Variants in DSCAML1 observed in about 807,000 individuals in gnomAD.
DSCAML1 encodes DS cell adhesion molecule like 1, also known as cell adhesion molecule DSCAML1.
In DSCAML1, 38 loss-of-function variants were observed where a neutral mutation model predicts 200.5. The observed-to-expected ratio is 0.19, with a 90% CI of 0.15 to 0.25. DSCAML1 has a LOEUF of 0.25. DSCAML1 is among the 10% of genes least tolerant of loss of function. DSCAML1 has a pLI of 1.00. For missense variants in DSCAML1, 2,223 were observed against 2,858.8 expected, an observed-to-expected ratio of 0.78 and a Z score of 5.07; for synonymous variants, 1,215 against 1,165.0, an observed-to-expected ratio of 1.04 and a Z score of -0.87.
intron 3 of DSCAML1, among the ~76,000 whole-genome samples, chr11:117,766,860 G>C (rs1218978678): frequency 6.6e-6 from 1 of 152,174 alleles, no homozygotes; most frequent in East Asian, 1.9e-4. Flanking sequence ...TGCAAGTGCA[G>C]AGCAGCCCGC....
chr11:117,586,042 A>T (rs1193054965), intron 3 of DSCAML1, among the ~76,000 whole-genome samples: 1 of 152,104 alleles, frequency 6.6e-6, no homozygotes, highest in Non-Finnish European at 1.5e-5. Context: ...AGGGCCCTTG[A>T]TGGGATCTGC....
chr11:117,795,737 A>G (rs1423310454), intron 1 of DSCAML1, among the ~76,000 whole-genome samples: 1 of 152,036 alleles, frequency 6.6e-6, no homozygotes, highest in Non-Finnish European at 1.5e-5. Flanking sequence ...CTTTCCCCCA[A>G]CCCACGATGT....
At chr11:117,613,299 G>C (rs2051735038) in intron 3 of DSCAML1, among the ~76,000 whole-genome samples, 1 of 152,072 alleles carries the variant, frequency 6.6e-6, no homozygotes, top group Non-Finnish European at 1.5e-5. Flanking sequence ...GGTGCTCTTG[G>C]AGTAATAGTA....
Position 117,480,382 on chromosome 11 carries a change from G to T in DSCAML1, c.2785+61C>A, listed in dbSNP as rs2048887694. ...GCTCTCCTCCCAGAGGGCACAGGCA[G>T]GACACGTGGCACAAGGGGCCATGGC... On this transcript the variant is annotated intron_variant, in intron 14 of 32. Transcript: ENST00000651296. This position sits in a 1 kb window ranked among gnomAD's most constrained non-coding sequence, Gnocchi z 4.1. 1 of 1,602,292 alleles carries T rather than the reference G, an allele frequency of 6.2e-7. No individual in the cohort carries two copies. Among genetic ancestry groups the T allele is most frequent in the South Asian group, 1.1e-5 (1 of 88,736 alleles).
chr11:117,542,627 T>C (rs533855135), intron 3 of DSCAML1, among the ~76,000 whole-genome samples: 1 of 152,364 alleles, frequency 6.6e-6, no homozygotes, highest in Non-Finnish European at 1.5e-5. Context: ...TCTTAAATTG[T>C]TATAAAAACT....
At position 117,428,286 on chromosome 11, in the gene DSCAML1, C is replaced by A; in HGVS notation, c.*42G>T. On this transcript the variant is annotated 3_prime_UTR_variant, in exon 33 of 33. Transcript: ENST00000651296. The stretch of plus-strand genomic sequence containing the variant: ...ACAGCCGAGCTGGCGTGTGGGGCTG[C>A]GGCGCGGCGCGGTCCAGGCGTGGCT... 2 of 1,119,518 alleles carry A rather than the reference C, an allele frequency of 1.8e-6. No homozygotes were observed. The highest frequency in any genetic ancestry group is 1.3e-6 in the Non-Finnish European group (1 of 752,792). The allele number at this position is 1,119,518 out of a possible 1,614,324, so 69.3% of individuals were successfully genotyped here.
At chr11:117,598,899 T>C (rs1482097007) in intron 3 of DSCAML1, among the ~76,000 whole-genome samples, 1 of 152,140 alleles carries the variant, frequency 6.6e-6, no homozygotes, top group East Asian at 1.9e-4. Flanking sequence ...TAGTGGTATA[T>C]TTTTTTGGGG....
At chr11:117,576,034 T>C (rs1002893194) in intron 3 of DSCAML1, among the ~76,000 whole-genome samples, 1 of 152,060 alleles carries the variant, frequency 6.6e-6, no homozygotes, top group East Asian at 1.9e-4. Flanking sequence ...TGCCCAGCCC[T>C]TCCACCTACA....
chr11:117,575,877 C>G (rs986573128), intron 3 of DSCAML1, among the ~76,000 whole-genome samples: 2 of 118,244 alleles, frequency 1.7e-5, no homozygotes, highest in Non-Finnish European at 3.8e-5. Flanking sequence ...CAAAACAAAA[C>G]AAAACAAACA....
chr11:117,465,188 A>G lies in DSCAML1; in HGVS notation c.3025-6T>C. The G allele has an allele frequency of 6.3e-7, 1 of 1,582,384 alleles. No individual in the cohort carries two copies. The highest frequency in any genetic ancestry group is 8.7e-7 in the Non-Finnish European group (1 of 1,151,870). On this transcript the variant is annotated splice_polypyrimidine_tract_variant and splice_region_variant and intron_variant, in intron 16 of 32. Coordinates refer to ENST00000651296, the MANE Select transcript of DSCAML1 (RefSeq NM_020693.4). Reference sequence around the variant, plus strand: ...TGCAGCTCCTTCTTGGGTGCCTGTGAGCATGGGGTGGGGGTGGGCACAAAG... The same window carrying G: ...TGCAGCTCCTTCTTGGGTGCCTGTGGGCATGGGGTGGGGGTGGGCACAAAG...
intron 18 of DSCAML1, 54 bp downstream of exon 18, chr11:117,461,396 C>T: frequency 6.2e-7 from 1 of 1,611,380 alleles, no homozygotes; most frequent in Non-Finnish European, 8.5e-7. Context: ...GAAGCAGACT[C>T]CACTGACCTG....
intron 1 of DSCAML1, among the ~76,000 whole-genome samples, chr11:117,806,037 C>T (rs998532005): frequency 6.6e-6 from 1 of 152,204 alleles, no homozygotes; most frequent in Non-Finnish European, 1.5e-5. Flanking sequence ...TTACCTCCCT[C>T]CTAGGCCCTG....
In DSCAML1 at chr11:117,521,259, A is replaced by G; in HGVS notation, c.1084T>C (p.Ser362Pro). 1 of 1,614,142 alleles carries G rather than the reference A, an allele frequency of 6.2e-7. No homozygotes were observed. The highest frequency in any genetic ancestry group is 8.5e-7 in the Non-Finnish European group (1 of 1,180,024). Residue 362 changes from serine to proline, a missense_variant, in exon 6 of 33, where the codon TCC becomes CCC. Ser to Pro is a moderately conservative substitution (Grantham distance 74). Coordinates refer to ENST00000651296, the MANE Select transcript of DSCAML1 (RefSeq NM_020693.4). ...TELVLPDEAI[S>P]IRGLSNETLL... ...GTCTCGTTGCTGAGCCCGCGGATGGAGATGGCCTCGTCAGGCAGCACCAGC... is the reference window on the plus strand; with the variant it reads ...GTCTCGTTGCTGAGCCCGCGGATGGGGATGGCCTCGTCAGGCAGCACCAGC...
chr11:117,550,746 A>G (rs1445435555), intron 3 of DSCAML1, among the ~76,000 whole-genome samples: 4 of 152,096 alleles, frequency 2.6e-5, no homozygotes, highest in African/African-American at 9.7e-5. Flanking sequence ...GACAGGTGCA[A>G]TTTCCCACCT....
chr11:117,529,380 T>C (rs995313391), intron 4 of DSCAML1, among the ~76,000 whole-genome samples: 1 of 152,168 alleles, frequency 6.6e-6, no homozygotes, highest in Admixed American at 6.6e-5. Context: ...GCCTGGCCTT[T>C]CTTAATAGGA....
intron 3 of DSCAML1, among the ~76,000 whole-genome samples, chr11:117,557,255 G>C (rs1281925473): frequency 6.6e-6 from 1 of 152,170 alleles, no homozygotes; most frequent in Non-Finnish European, 1.5e-5. Context: ...GAGAAAGAAG[G>C]TGACCTCTCA....
chr11:117,666,578 C>T (rs1359789507), intron 3 of DSCAML1, among the ~76,000 whole-genome samples: 1 of 152,188 alleles, frequency 6.6e-6, no homozygotes, highest in Non-Finnish European at 1.5e-5. Context: ...CCACTCCTCT[C>T]TCTCCCTCAC....
chr11:117,774,179 C>G (rs1591495571), intron 3 of DSCAML1, among the ~76,000 whole-genome samples: 1 of 152,206 alleles, frequency 6.6e-6, no homozygotes, highest in South Asian at 2.1e-4. Context: ...CCAGATTCCT[C>G]TGGAATTCTT....
At chr11:117,698,429 A>C (rs1439472114) in intron 3 of DSCAML1, among the ~76,000 whole-genome samples, 1 of 152,224 alleles carries the variant, frequency 6.6e-6, no homozygotes, top group Admixed American at 6.5e-5. Flanking sequence ...ACTGCACTGC[A>C]CTTGTACATC....
Sources: allele counts gnomAD v4.1 joint callset (sites outside exome capture counted in the v4.1 genomes callset), GRCh38; gene constraint gnomAD v4.1.1; non-coding constraint Gnocchi (gnomAD v3.1); transcripts MANE v1.5; gene names NCBI Gene and HGNC (gene_info 2026-07-23, HGNC 2026-07-21).